The following NUMB variants were observed in gnomAD, a reference collection of about 807,000 sequenced individuals.
The protein encoded by NUMB is NUMB endocytic adaptor protein.
In NUMB, 29 loss-of-function variants were observed where a neutral mutation model predicts 59.7. That is an observed-to-expected ratio of 0.49 (90% CI 0.36 to 0.66). The LOEUF (loss-of-function observed/expected upper bound fraction) is 0.66. Ranked by LOEUF, NUMB falls within the 30% of genes least tolerant of loss-of-function variation. NUMB has a pLI of 0.00. For missense variants in NUMB, 723 were observed against 822.0 expected (o/e 0.88, Z 1.47); for synonymous variants, 288 against 288.2 (o/e 1.00, Z 0.01).
chr14:73,457,864 AG>A (rs1884510932), intron 1 of NUMB: 1 of 152,432 alleles, frequency 6.6e-6, no homozygotes, highest in Admixed American at 6.6e-5. Context: ...TTTTCTCAGG[AG>A]GGTCCCCAAC....
intron 4 of NUMB, among the ~76,000 whole-genome samples, chr14:73,350,341 TTTTG>T (rs1047114485): frequency 3.3e-5 from 5 of 151,666 alleles, no homozygotes; most frequent in African/African-American, 1.2e-4. Flanking sequence ...CCTGGCTAGT[TTTTG>T]TATTTTTATT....
chr14:73,318,867 TC>T (rs1475118404), intron 5 of NUMB, among the ~76,000 whole-genome samples: 5 of 152,228 alleles, frequency 3.3e-5, no homozygotes, highest in African/African-American at 9.6e-5. Context: ...TTTGAGCATA[TC>T]AAGTATGCAG....
At chr14:73,372,434 T>C (rs984168870) in intron 2 of NUMB, among the ~76,000 whole-genome samples, 1 of 146,912 alleles carries the variant, frequency 6.8e-6, no homozygotes, top group African/African-American at 2.5e-5. Context: ...TATATATGTA[T>C]ATCTATATGA....
intron 4 of NUMB, among the ~76,000 whole-genome samples, chr14:73,344,922 A>AT (rs1351919285): frequency 6.6e-6 from 1 of 152,246 alleles, no homozygotes; most frequent in Non-Finnish European, 1.5e-5. Flanking sequence ...TTAGTAGACA[A>AT]TTACAGGTAG....
chr14:73,290,522 T>G (rs1311576145), intron 8 of NUMB, among the ~76,000 whole-genome samples: 1 of 152,230 alleles, frequency 6.6e-6, no homozygotes, highest in African/African-American at 2.4e-5. Flanking sequence ...CTCTTAGCAT[T>G]TGTTTACACC....
intron 6 of NUMB, among the ~76,000 whole-genome samples, chr14:73,303,200 A>T (rs2139863509): frequency 6.6e-6 from 1 of 152,288 alleles, no homozygotes; most frequent in East Asian, 1.9e-4. Context: ...CCTGGGCAAC[A>T]GAGTGAGACT....
At chr14:73,294,619 G>A (rs1029452080) in intron 7 of NUMB, among the ~76,000 whole-genome samples, 1 of 150,960 alleles carries the variant, frequency 6.6e-6, no homozygotes, top group Non-Finnish European at 1.5e-5. Context: ...CTAGGTTCAA[G>A]TGACTCTCAT....
intron 6 of NUMB, among the ~76,000 whole-genome samples, chr14:73,301,703 C>A (rs1890137122): frequency 6.6e-6 from 1 of 152,150 alleles, no homozygotes; most frequent in Non-Finnish European, 1.5e-5. Flanking sequence ...AACTCCTAGG[C>A]TCAAGCGATC....
intron 5 of NUMB, among the ~76,000 whole-genome samples, chr14:73,317,309 G>A (rs1052528051): frequency 6.6e-6 from 1 of 152,058 alleles, no homozygotes; most frequent in African/African-American, 2.4e-5. Flanking sequence ...TTGTTTGTTT[G>A]TTTGTTTGTT....
intron 7 of NUMB, among the ~76,000 whole-genome samples, chr14:73,295,395 G>A (rs1889709356): frequency 1.3e-5 from 2 of 152,168 alleles, no homozygotes; most frequent in Admixed American, 6.6e-5. Flanking sequence ...CCACAAGGGG[G>A]CAATATCACT....
At chr14:73,421,866 C>T (rs139026616) in intron 1 of NUMB, among the ~76,000 whole-genome samples, 7 of 152,192 alleles carry the variant, frequency 4.6e-5, no homozygotes, top group African/African-American at 1.7e-4. Flanking sequence ...AGGCCGGGTA[C>T]CGTGGCTCAC....
chr14:73,451,435 A>T (rs1353325261), intron 1 of NUMB, among the ~76,000 whole-genome samples: 19 of 109,016 alleles, frequency 1.7e-4, no homozygotes, highest in African/African-American at 1.1e-3. Context: ...GACACCGTCT[A>T]AAAAAAAAAA....
At chr14:73,364,027 A>G (rs1020881227) in intron 3 of NUMB, among the ~76,000 whole-genome samples, 1 of 152,242 alleles carries the variant, frequency 6.6e-6, no homozygotes, top group Non-Finnish European at 1.5e-5. Flanking sequence ...GTTGGATTTC[A>G]GCAATTCAAC....
intron 2 of NUMB, among the ~76,000 whole-genome samples, chr14:73,394,706 T>A (rs1010979650): frequency 6.6e-6 from 1 of 152,230 alleles, no homozygotes; most frequent in Non-Finnish European, 1.5e-5. Flanking sequence ...CCCTAGATCC[T>A]GGCAACCATC....
At chr14:73,282,228 A>G (rs981843959) in intron 11 of NUMB, 131 bp downstream of exon 11, 2 of 736,022 alleles carry the variant, frequency 2.7e-6, no homozygotes, top group Non-Finnish European at 4.3e-6. Flanking sequence ...TGAATCTAAG[A>G]CATCAAATAG....
intron 4 of NUMB, among the ~76,000 whole-genome samples, chr14:73,329,682 C>T (rs990480222): frequency 4.6e-5 from 7 of 152,198 alleles, no homozygotes; most frequent in Admixed American, 3.3e-4. Flanking sequence ...CTTCCCATAG[C>T]TTTCACCCTT....
chr14:73,379,601 G>T (rs73309083), intron 2 of NUMB, among the ~76,000 whole-genome samples: 9,253 of 152,180 alleles, frequency 0.061, 718 homozygotes, highest in African/African-American at 0.17. Context: ...GTTAAGAGAC[G>T]GCTTCATTTG....
intron 2 of NUMB, among the ~76,000 whole-genome samples, chr14:73,367,296 T>TACACACAC (rs1196520524): frequency 8.3e-6 from 1 of 121,010 alleles, no homozygotes; most frequent in African/African-American, 3.6e-5. Context: ...TATATATATA[T>TACACACAC]ACACACACAC....
chr14:73,445,074 C>T (rs1262980413), intron 1 of NUMB, among the ~76,000 whole-genome samples: 5 of 151,820 alleles, frequency 3.3e-5, no homozygotes, highest in Non-Finnish European at 7.4e-5. Flanking sequence ...CTAATAGGTT[C>T]CCTAGCTATA....
Sources: gnomAD v4.1 joint callset for allele counts (sites outside exome capture counted in the v4.1 genomes callset) on GRCh38, gnomAD v4.1.1 for gene constraint, MANE v1.5 for transcripts, NCBI Gene and HGNC (gene_info 2026-07-23, HGNC 2026-07-21) for gene names.